Variants in PKD2 observed in about 807,000 individuals in gnomAD.
PKD2 encodes the protein polycystin-2.
Under a neutral mutation model 105.9 loss-of-function variants are expected in PKD2, and 48 were observed. That is an observed-to-expected ratio of 0.45 (90% CI 0.36 to 0.58). PKD2 has a LOEUF of 0.58. PKD2 is among the 20% of genes least tolerant of loss of function. The probability of loss-of-function intolerance (pLI) is 0.00; values close to 1 mark genes in which losing one functional copy is unlikely to be tolerated. For missense variants in PKD2, 1,078 were observed against 1,255.3 expected, an observed-to-expected ratio of 0.86 and a Z score of 2.13; for synonymous variants, 464 against 481.1, an observed-to-expected ratio of 0.96 and a Z score of 0.46.
In PKD2 at chr4:88,039,669, A is replaced by T. The variant is rs1727482463; in HGVS notation, c.1094+1168A>T. 3.3e-5 allele frequency among the ~76,000 whole-genome samples: 5 copies of T among 152,068 alleles called. No individual in the cohort carries two copies. The South Asian group carries it at 1.0e-3, about 32-fold the overall frequency. On this transcript the variant is annotated intron_variant, in intron 4 of 14. Transcript: ENST00000237596. ...AACAGAGCAAGACTCCCCCTCAAAA[A>T]AAAAAAAAAACAAATTTAGTGAAAA...
At chr4:88,045,816 C>A (rs1452617735) in intron 5 of PKD2, among the ~76,000 whole-genome samples, 1 of 152,018 alleles carries the variant, frequency 6.6e-6, no homozygotes, top group Non-Finnish European at 1.5e-5. Context: ...AGAAAACTAC[C>A]CTGGAGGACA....
intron 7 of PKD2, among the ~76,000 whole-genome samples, chr4:88,052,580 C>T (rs1720151234): frequency 6.6e-6 from 1 of 152,152 alleles, no homozygotes; most frequent in Admixed American, 6.6e-5. Context: ...TCATATTTTA[C>T]ATATAAAGTA....
chr4:88,071,493 C>CT (rs376040444), intron 13 of PKD2, among the ~76,000 whole-genome samples: 40 of 140,064 alleles, frequency 2.9e-4, no homozygotes, highest in Admixed American at 4.2e-4. Context: ...TTTCAGTTGT[C>CT]TTTTTTTTTT....
rs957975478 is a variant in PKD2, at chr4:88,051,743, T to C, written c.1549-248T>C. ...TGTGTAATGTATATGTGCACACACA[T>C]GCATGCATGCCTTCGTTGAGTTTCT... is the stretch of plus-strand genomic sequence containing the variant. On this transcript the variant is annotated intron_variant, in intron 6 of 14. Transcript: ENST00000237596. Among the ~76,000 whole-genome samples the C allele has an allele frequency of 2.4e-4, 36 of 152,228 alleles. 1 individual carries two copies. Among genetic ancestry groups the C allele is most frequent in the Non-Finnish European group, 1.5e-5 (1 of 68,034 alleles).
At chr4:88,058,536 CTCTT>C (rs1316017319) in intron 9 of PKD2, among the ~76,000 whole-genome samples, 1 of 152,138 alleles carries the variant, frequency 6.6e-6, no homozygotes, top group South Asian at 2.1e-4. Flanking sequence ...TGACTTTTCT[CTCTT>C]TCTTCTTTTC....
intron 2 of PKD2, among the ~76,000 whole-genome samples, chr4:88,035,907 A>G (rs1436688007): frequency 6.6e-6 from 1 of 152,182 alleles, no homozygotes; most frequent in African/African-American, 2.4e-5. Context: ...GTGGTGGAAG[A>G]TGAAATCGAG....
In PKD2 at chr4:88,074,971, T is replaced by A. The variant is rs367920984; in HGVS notation, c.2670+12T>A. 9.9e-6 allele frequency: 16 copies of A among 1,613,708 alleles called. No individual in the cohort carries two copies. The highest frequency in any genetic ancestry group is 1.4e-5 in the Non-Finnish European group (16 of 1,179,746). ...ATGGGGTGGCCGAGGTCAGTAGTCATGAGCTGAAAACACCGCTGCTGAGCA... is the reference window on the plus strand; with the variant it reads ...ATGGGGTGGCCGAGGTCAGTAGTCAAGAGCTGAAAACACCGCTGCTGAGCA... On this transcript the variant is annotated intron_variant, in intron 14 of 14. Coordinates refer to ENST00000237596, the MANE Select transcript of PKD2 (RefSeq NM_000297.4).
At chr4:88,030,305 A>T (rs1016182596) in intron 2 of PKD2, among the ~76,000 whole-genome samples, 11 of 151,896 alleles carry the variant, frequency 7.2e-5, no homozygotes, top group Non-Finnish European at 1.5e-5. Context: ...CCACCCAGCT[A>T]ATTTTATTTG....
chr4:88,050,440 A>G (rs1340081160), intron 6 of PKD2, among the ~76,000 whole-genome samples: 3 of 152,210 alleles, frequency 2.0e-5, no homozygotes, highest in African/African-American at 4.8e-5. Context: ...AGAATCCCAC[A>G]GAAAACTCAG....
intron 6 of PKD2, among the ~76,000 whole-genome samples, chr4:88,047,713 G>A (rs901238620): frequency 5.3e-5 from 8 of 152,024 alleles, no homozygotes; most frequent in Admixed American, 4.6e-4. Flanking sequence ...GAAATCAAAG[G>A]CAGGCCATGC....
chr4:88,046,118 A>G (rs1209713659), intron 5 of PKD2, among the ~76,000 whole-genome samples: 1 of 151,676 alleles, frequency 6.6e-6, no homozygotes, highest in Non-Finnish European at 1.5e-5. Flanking sequence ...GGCAAGACTC[A>G]GTCTCTGCCA....
At chr4:88,057,943 C>G in intron 8 of PKD2, 40 bp from the exon 9 acceptor site, 1 of 1,505,256 alleles carries the variant, frequency 6.6e-7, no homozygotes, top group Non-Finnish European at 9.2e-7. Context: ...AGTGGACATT[C>G]TTTGTTTTTG....
At chr4:88,008,841 A>G (rs1302551442) in intron 1 of PKD2, among the ~76,000 whole-genome samples, 1 of 152,166 alleles carries the variant, frequency 6.6e-6, no homozygotes, top group Non-Finnish European at 1.5e-5. Context: ...GGAGTGTGGC[A>G]GATTGTCATT....
chr4:88,068,193 A>G (rs1291831839), intron 13 of PKD2, 132 bp downstream of exon 13: 3 of 836,192 alleles, frequency 3.6e-6, no homozygotes, highest in Non-Finnish European at 6.0e-6. Context: ...TATACTGGCC[A>G]GACGCAGTGG....
At chr4:88,037,907 T>C (rs760796355) in intron 3 of PKD2, among the ~76,000 whole-genome samples, 6 of 152,160 alleles carry the variant, frequency 3.9e-5, no homozygotes, top group Non-Finnish European at 8.8e-5. Flanking sequence ...GGACATTATT[T>C]TAATAAGGGA....
intron 4 of PKD2, among the ~76,000 whole-genome samples, chr4:88,041,993 C>T (rs1183264223): frequency 6.6e-6 from 1 of 152,240 alleles, no homozygotes; most frequent in Non-Finnish European, 1.5e-5. Context: ...CCTTCACAGA[C>T]TCCTTCATGT....
rs1010329800 is a variant in PKD2, at chr4:88,068,051, G to C, written c.2512G>C (p.Glu838Gln). ...CATTTCTAGTGGCGTTTCTTACGAAGAGTTTCAAGTGTAAGTATAAAGGAA... is the reference window on the plus strand; with the variant it reads ...CATTTCTAGTGGCGTTTCTTACGAACAGTTTCAAGTGTAAGTATAAAGGAA... ...GSISSGVSYEEFQVLVRRVDR... is the reference protein window; with the variant it reads ...GSISSGVSYEQFQVLVRRVDR... Residue 838 changes from glutamate (E) to glutamine (Q), a missense_variant, in exon 13 of 15, where the codon GAG (glutamate) becomes CAG (glutamine). Glu to Gln is a conservative substitution (Grantham distance 29, BLOSUM62 2). Transcript: ENST00000237596. 1 of 1,614,068 alleles carries C rather than the reference G, an allele frequency of 6.2e-7. No individual in the cohort carries two copies. The highest frequency in any genetic ancestry group is 1.3e-5 in the African/African-American group (1 of 75,036).
At chr4:88,054,110 A>G in intron 7 of PKD2, among the ~76,000 whole-genome samples, 1 of 151,964 alleles carries the variant, frequency 6.6e-6, no homozygotes, top group African/African-American at 2.4e-5. Flanking sequence ...CAAGATAGTA[A>G]TAATAATCAA....
In PKD2 at chr4:88,007,853, C is replaced by T. The variant is rs1274784310; in HGVS notation, c.120C>T (p.Leu40=). The change falls in exon 1 of 15, where the codon CTC becomes CTT. Residue 40 remains leucine (L), a synonymous_variant. Coordinates refer to ENST00000237596, the MANE Select transcript of PKD2 (RefSeq NM_000297.4). ...MAGCAAVGAS[L]AAPGGLCEQR... ...GCTGCGCGGCCGTGGGCGCCAGCCT[C>T]GCCGCCCCGGGCGGCCTCTGCGAGC... The T allele has an allele frequency of 9.8e-6, 12 of 1,223,720 alleles. No homozygotes were observed. The East Asian group carries it at 2.0e-4, about 20-fold the overall frequency. 75.8% of individuals were successfully genotyped at this position (1,223,720 alleles called of 1,614,324 possible).
Sources: allele counts gnomAD v4.1 joint callset (sites outside exome capture counted in the v4.1 genomes callset), GRCh38; gene constraint gnomAD v4.1.1; transcripts MANE v1.5; gene names NCBI Gene and HGNC (gene_info 2026-07-23, HGNC 2026-07-21).